RNF38: variants seen among roughly 807,000 people sequenced by gnomAD.
RNF38 encodes ring finger protein 38, also known as E3 ubiquitin-protein ligase RNF38.
A neutral mutation model predicts 67.2 loss-of-function variants in RNF38; 15 were observed. The ratio of observed to expected loss-of-function variants is 0.22; its 90% confidence interval spans 0.15 to 0.34. The LOEUF (loss-of-function observed/expected upper bound fraction) is 0.34, where lower values mean the gene tolerates loss of function less well. RNF38 is among the 10% of genes least tolerant of loss of function. RNF38 has a pLI of 1.00. For synonymous variants in RNF38, 220 were observed against 218.8 expected (o/e 1.01, Z -0.05); for missense variants, 524 against 639.9 (o/e 0.82, Z 1.95).
At chr9:36,440,010 C>T (rs1295776191) in intron 1 of RNF38, among the ~76,000 whole-genome samples, 1 of 152,060 alleles carries the variant, frequency 6.6e-6, no homozygotes, top group Non-Finnish European at 1.5e-5. Context: ...GTTTGGGAAG[C>T]TAAGGTGGGC....
rs531037139 is a variant in RNF38, at chr9:36,476,310, G to GTT, written n.241+10996_241+10997dup. ...ATTTTTGTATTTTAGTAGAGACGGGGTTTCCCCTTGGCCAAGCTGGTCTTG... is the reference window on the plus strand; with the variant it reads ...ATTTTTGTATTTTAGTAGAGACGGGGTTTTTCCCCTTGGCCAAGCTGGTCTTG... On this transcript the variant is annotated intron_variant and non_coding_transcript_variant, in intron 1 of 3. Coordinates refer to the RNF38 transcript ENST00000488058. Among the ~76,000 whole-genome samples the GTT allele has an allele frequency of 1.2e-3, 175 of 151,956 alleles. 5 individuals are homozygous for GTT. Among genetic ancestry groups the GTT allele is most frequent in the East Asian group, 0.011 (54 of 5,120 alleles).
chr9:36,462,265 C>G (rs1839750041), intron 1 of RNF38, among the ~76,000 whole-genome samples: 1 of 152,140 alleles, frequency 6.6e-6, no homozygotes, highest in African/African-American at 2.4e-5. Flanking sequence ...ACCAACCAGC[C>G]TGTATGCAAC....
Position 36,363,063 on chromosome 9 carries a change from TCATCCATC to T in RNF38, c.571-5129_571-5122del, listed in dbSNP as rs1001506306. On this transcript the variant is annotated intron_variant, in intron 4 of 11. Coordinates refer to ENST00000259605, the MANE Select transcript of RNF38 (RefSeq NM_022781.5). ...TCTATGAGACAGGGGTCTTGCTCTA[TCATCCATC>T]CATCCATCCATCCATCCTTATCTAC... 9.1e-5 allele frequency among the ~76,000 whole-genome samples: 9 copies of T among 99,444 alleles called. 3 individuals carry two copies. In the South Asian group the frequency reaches 1.7e-3, roughly 19 times the overall value. 65.2% of individuals were successfully genotyped at this position (99,444 alleles called of 152,430 possible).
intron 1 of RNF38, among the ~76,000 whole-genome samples, chr9:36,439,516 C>A (rs559066420): frequency 6.6e-6 from 1 of 151,960 alleles, no homozygotes; most frequent in South Asian, 2.1e-4. Context: ...CTATATCAAT[C>A]GAAAATAGCC....
In RNF38 at chr9:36,400,222, C is replaced by T. The variant is rs971675947; in HGVS notation, c.-114G>A. 8.1e-6 allele frequency: 12 copies of T among 1,484,920 alleles called. No individual in the cohort carries two copies. Among genetic ancestry groups the T allele is most frequent in the Admixed American group, 2.5e-5 (1 of 40,332 alleles). The allele number at this position is 1,484,920 out of a possible 1,614,324, so 92.0% of individuals were successfully genotyped here. A position where few individuals can be genotyped will look rare whatever the true frequency, so the allele number is the denominator to read the frequency against. ...CCCTGAAAGGAAGAACTTGCATCCC[C>T]TGAGAACAAAACGCAGCCTATCCAG... On this transcript the variant is annotated 5_prime_UTR_variant, in exon 1 of 12. Coordinates refer to ENST00000259605, the MANE Select transcript of RNF38 (RefSeq NM_022781.5).
intron 1 of RNF38, among the ~76,000 whole-genome samples, chr9:36,476,235 C>T (rs529881028): frequency 6.6e-6 from 1 of 152,100 alleles, no homozygotes; most frequent in Admixed American, 6.6e-5. Flanking sequence ...AATGAGTCTC[C>T]CGTCTCCCCC....
intron 3 of RNF38, 84 bp from the exon 4 acceptor site, chr9:36,370,016 T>C: frequency 1.8e-6 from 2 of 1,085,110 alleles, no homozygotes; most frequent in South Asian, 1.6e-5. Flanking sequence ...TATCTATCAA[T>C]AGTATATGCT....
upstream of RNF38, among the ~76,000 whole-genome samples, chr9:36,401,760 G>C (rs891473868): frequency 5.3e-5 from 8 of 152,138 alleles, no homozygotes; most frequent in Non-Finnish European, 1.0e-4. Context: ...TCATGGAAGG[G>C]GTGGACTTTT....
intron 1 of RNF38, 52 bp downstream of exon 1, chr9:36,400,045 T>C: frequency 6.4e-7 from 1 of 1,553,362 alleles, no homozygotes. Flanking sequence ...TACCCAACTT[T>C]TACTGAATAA....
upstream of RNF38, chr9:36,401,215 G>GGGCGT: frequency 1.0e-6 from 1 of 983,726 alleles, no homozygotes; most frequent in Non-Finnish European, 1.2e-6. Context: ...GGGCGGGGCG[G>GGGCGT]GGCGGGGCTG....
intron 11 of RNF38, among the ~76,000 whole-genome samples, chr9:36,340,503 C>G (rs561260003): frequency 1.7e-4 from 26 of 152,276 alleles, no homozygotes; most frequent in African/African-American, 6.3e-4. Context: ...CCTGCTTCAG[C>G]TTCCTGAAAA....
intron 1 of RNF38, among the ~76,000 whole-genome samples, chr9:36,465,799 C>T (rs1193763975): frequency 6.6e-6 from 1 of 151,980 alleles, no homozygotes; most frequent in Non-Finnish European, 1.5e-5. Flanking sequence ...GCCTGTAATC[C>T]CAGCACTTTG....
At chr9:36,479,267 G>C (rs1271501297) in intron 1 of RNF38, among the ~76,000 whole-genome samples, 1 of 152,186 alleles carries the variant, frequency 6.6e-6, no homozygotes, top group East Asian at 1.9e-4. Flanking sequence ...AACATCCTCA[G>C]AGCACAAAGC....
upstream of RNF38, chr9:36,401,217 G>GCGGGGCGGGT: frequency 1.0e-6 from 1 of 982,282 alleles, no homozygotes; most frequent in Non-Finnish European, 1.2e-6. Flanking sequence ...GCGGGGCGGG[G>GCGGGGCGGGT]CGGGGCTGCG....
At chr9:36,446,632 C>T (rs908558006) in intron 1 of RNF38, among the ~76,000 whole-genome samples, 1 of 150,052 alleles carries the variant, frequency 6.7e-6, no homozygotes, top group Non-Finnish European at 1.5e-5. Context: ...CATGGTGAAA[C>T]CCCGTCTCTA....
At chr9:36,414,885 A>G (rs1006406674) in intron 2 of RNF38, among the ~76,000 whole-genome samples, 2 of 152,198 alleles carry the variant, frequency 1.3e-5, no homozygotes, top group Non-Finnish European at 2.9e-5. Flanking sequence ...ATAGGACTCC[A>G]ATCCCTTCTA....
chr9:36,369,404 A>G (rs897602703), intron 4 of RNF38, among the ~76,000 whole-genome samples: 4 of 152,166 alleles, frequency 2.6e-5, no homozygotes, highest in South Asian at 2.1e-4. Flanking sequence ...TACTTTTAGT[A>G]GAGACGGGGT....
chr9:36,386,210 T>C (rs1207141774), intron 2 of RNF38, among the ~76,000 whole-genome samples: 1 of 152,184 alleles, frequency 6.6e-6, no homozygotes, highest in African/African-American at 2.4e-5. Context: ...GACAGAGCTA[T>C]TTCTTTCTAA....
At chr9:36,486,941 G>A (rs1010011185) in intron 1 of RNF38, among the ~76,000 whole-genome samples, 3 of 152,120 alleles carry the variant, frequency 2.0e-5, no homozygotes, top group African/African-American at 7.2e-5. Flanking sequence ...CCCTCTGCTC[G>A]GGGCCCGCGC....
Sources: allele counts gnomAD v4.1 joint callset (sites outside exome capture counted in the v4.1 genomes callset), GRCh38; gene constraint gnomAD v4.1.1; transcripts MANE v1.5; gene names NCBI Gene and HGNC (gene_info 2026-07-23, HGNC 2026-07-21).